NKAIN2: variants seen among roughly 807,000 people sequenced by gnomAD.
NKAIN2 encodes the protein sodium/potassium transporting ATPase interacting 2.
Under a neutral mutation model 32.6 loss-of-function variants are expected in NKAIN2, and 14 were observed. The observed-to-expected ratio is 0.43, with a 90% confidence interval of 0.28 to 0.67. The LOEUF (loss-of-function observed/expected upper bound fraction) is 0.67. Among genes scored for constraint, NKAIN2 ranks in the 30% least tolerant of loss-of-function variants. The pLI is 0.17. For synonymous variants in NKAIN2, 80 were observed against 87.2 expected (o/e 0.92, Z 0.46); for missense variants, 198 against 258.3 (o/e 0.77, Z 1.60).
At position 124,432,294 on chromosome 6, in the gene NKAIN2, C is replaced by T. The variant is rs544300858; in HGVS notation, c.273+76947C>T. Among the ~76,000 whole-genome samples, 17 of 152,238 alleles carry T rather than the reference C, an allele frequency of 1.1e-4. No individual in the cohort carries two copies. The East Asian group carries it at 2.9e-3, about 26-fold the overall frequency. ...TGTAATGCCCCTCACAGGCAGGCAACATGGGCTTGATATGTTATTGTCAAG... is the reference window on the plus strand; with the variant it reads ...TGTAATGCCCCTCACAGGCAGGCAATATGGGCTTGATATGTTATTGTCAAG... On this transcript the variant is annotated intron_variant, in intron 3 of 6. Coordinates refer to ENST00000368417, the MANE Select transcript of NKAIN2 (RefSeq NM_001040214.3).
chr6:124,737,199 A>G (rs1473858191), intron 4 of NKAIN2, among the ~76,000 whole-genome samples: 3 of 151,924 alleles, frequency 2.0e-5, no homozygotes, highest in African/African-American at 7.2e-5. Flanking sequence ...TGTAGTTCTC[A>G]TAATCCCCAT....
chr6:124,339,376 C>T (rs1272089520), intron 2 of NKAIN2, among the ~76,000 whole-genome samples: 1 of 152,028 alleles, frequency 6.6e-6, no homozygotes, highest in Non-Finnish European at 1.5e-5. Flanking sequence ...ACAAAAACTG[C>T]AGAAATTTAT....
At chr6:124,473,679 T>C (rs1002342314) in intron 3 of NKAIN2, among the ~76,000 whole-genome samples, 4 of 152,170 alleles carry the variant, frequency 2.6e-5, no homozygotes, top group African/African-American at 7.2e-5. Context: ...TATGCTCCAT[T>C]GCTAAGGAAT....
intron 4 of NKAIN2, among the ~76,000 whole-genome samples, chr6:124,666,387 C>T (rs1483313523): frequency 6.6e-6 from 1 of 152,028 alleles, no homozygotes; most frequent in African/African-American, 2.4e-5. Context: ...AAGCGAAGTC[C>T]CACAGACTAA....
chr6:123,878,666 C>T (rs924696012), intron 1 of NKAIN2, among the ~76,000 whole-genome samples: 39 of 152,038 alleles, frequency 2.6e-4, no homozygotes, highest in African/African-American at 8.0e-4. Context: ...TGTTTATCTT[C>T]GGGGTAAACT....
intron 1 of NKAIN2, among the ~76,000 whole-genome samples, chr6:124,065,961 C>T (rs1783153008): frequency 6.6e-6 from 1 of 152,056 alleles, no homozygotes; most frequent in Non-Finnish European, 1.5e-5. Flanking sequence ...TACATAACTG[C>T]ATTTCTCAAG....
intron 3 of NKAIN2, among the ~76,000 whole-genome samples, chr6:124,454,888 GC>G (rs2114631591): frequency 6.6e-6 from 1 of 152,072 alleles, no homozygotes; most frequent in African/African-American, 2.4e-5. Flanking sequence ...ATTGGATACT[GC>G]ATTTAAGAAT....
At chr6:124,323,784 C>CTT (rs1188944631) in intron 2 of NKAIN2, among the ~76,000 whole-genome samples, 34 of 115,918 alleles carry the variant, frequency 2.9e-4, no homozygotes, top group Non-Finnish European at 3.2e-4. Flanking sequence ...TTAATTTTTT[C>CTT]TTTTTTTTTT....
intron 1 of NKAIN2, among the ~76,000 whole-genome samples, chr6:124,272,150 C>G (rs778359957): frequency 3.3e-5 from 5 of 152,196 alleles, no homozygotes; most frequent in Admixed American, 6.5e-5. Context: ...GCATAAGTAA[C>G]AAGGAGCCAA....
chr6:124,184,814 A>G (rs1789630718), intron 1 of NKAIN2, among the ~76,000 whole-genome samples: 1 of 152,192 alleles, frequency 6.6e-6, no homozygotes, highest in Non-Finnish European at 1.5e-5. Flanking sequence ...CTTGTTAAAT[A>G]CAGACTTACA....
chr6:124,141,927 T>C (rs895394887), intron 1 of NKAIN2, among the ~76,000 whole-genome samples: 1 of 152,166 alleles, frequency 6.6e-6, no homozygotes, highest in African/African-American at 2.4e-5. Flanking sequence ...CTGTTGTTCA[T>C]TGGTTTGTAT....
intron 1 of NKAIN2, among the ~76,000 whole-genome samples, chr6:123,967,526 A>G (rs1240834353): frequency 6.6e-6 from 1 of 152,060 alleles, no homozygotes; most frequent in African/African-American, 2.4e-5. Context: ...GCAGCTTTTC[A>G]TGTCCTCATC....
At chr6:124,348,969 C>T (rs1468024143) in intron 2 of NKAIN2, among the ~76,000 whole-genome samples, 3 of 152,152 alleles carry the variant, frequency 2.0e-5, no homozygotes, top group Non-Finnish European at 4.4e-5. Context: ...TCGGAGGGTC[C>T]TATGCCCAGG....
intron 3 of NKAIN2, among the ~76,000 whole-genome samples, chr6:124,579,530 C>G (rs1781449207): frequency 6.6e-6 from 1 of 152,160 alleles, no homozygotes; most frequent in Non-Finnish European, 1.5e-5. Context: ...TGAAGACAGG[C>G]TATTTGAAAA....
intron 5 of NKAIN2, among the ~76,000 whole-genome samples, chr6:124,795,964 G>GA (rs997451313): frequency 3.3e-5 from 5 of 151,858 alleles, no homozygotes; most frequent in African/African-American, 1.2e-4. Flanking sequence ...TTTTTCCATT[G>GA]AAAAAAATCT....
At chr6:124,557,578 A>G (rs1415137492) in intron 3 of NKAIN2, among the ~76,000 whole-genome samples, 2 of 152,186 alleles carry the variant, frequency 1.3e-5, no homozygotes, top group African/African-American at 4.8e-5. Context: ...CAGAACCTGA[A>G]AGGAAAAGAA....
intron 1 of NKAIN2, among the ~76,000 whole-genome samples, chr6:124,135,295 A>G (rs2114290450): frequency 6.6e-6 from 1 of 152,200 alleles, no homozygotes; most frequent in East Asian, 1.9e-4. Flanking sequence ...TATTTAATGT[A>G]AATGGCCTAA....
At chr6:124,111,334 A>C (rs1231253513) in intron 1 of NKAIN2, among the ~76,000 whole-genome samples, 1 of 150,630 alleles carries the variant, frequency 6.6e-6, no homozygotes, top group African/African-American at 2.4e-5. Flanking sequence ...ATTGTGGTCT[A>C]TTTCTCCTTT....
chr6:124,260,093 T>C (rs1794166369), intron 1 of NKAIN2, among the ~76,000 whole-genome samples: 1 of 152,214 alleles, frequency 6.6e-6, no homozygotes, highest in African/African-American at 2.4e-5. Context: ...GTGCCTTCCA[T>C]TATAACAATT....
Sources: gnomAD v4.1 joint callset for allele counts (sites outside exome capture counted in the v4.1 genomes callset) on GRCh38, gnomAD v4.1.1 for gene constraint, MANE v1.5 for transcripts, NCBI Gene and HGNC (gene_info 2026-07-23, HGNC 2026-07-21) for gene names.